The following TEX2 variants were observed in gnomAD, a reference collection of about 807,000 sequenced individuals.
TEX2 encodes the protein testis expressed 2.
In TEX2, 53 loss-of-function variants were observed where a neutral mutation model predicts 106.9. The observed-to-expected ratio is 0.50, with a 90% CI of 0.40 to 0.62. The LOEUF is 0.62. Ranked by LOEUF, TEX2 falls within the 20% of genes least tolerant of loss-of-function variation. TEX2 has a pLI of 0.00. For missense variants in TEX2, 1,207 were observed against 1,379.0 expected, an observed-to-expected ratio of 0.88 and a Z score of 1.98; for synonymous variants, 523 against 534.8, an observed-to-expected ratio of 0.98 and a Z score of 0.30.
intron 8 of TEX2, among the ~76,000 whole-genome samples, chr17:64,159,535 G>A (rs1041895812): frequency 3.9e-5 from 6 of 152,114 alleles, no homozygotes; most frequent in African/African-American, 7.2e-5. Flanking sequence ...ACTACTCCTG[G>A]TGTCGGTTCT....
intron 4 of TEX2, among the ~76,000 whole-genome samples, chr17:64,188,766 A>G (rs1365576431): frequency 6.6e-6 from 1 of 151,714 alleles, no homozygotes; most frequent in Non-Finnish European, 1.5e-5. Flanking sequence ...CAGTGAGCCA[A>G]GATCATGCCA....
At position 64,213,448 on chromosome 17, in the gene TEX2, C is replaced by T; in HGVS notation, c.770G>A (p.Gly257Asp). Residue 257 changes from glycine (G) to aspartate (D), a missense_variant, in exon 2 of 12, where the codon GGT becomes GAT. Coordinates refer to ENST00000584379, the MANE Select transcript of TEX2 (RefSeq NM_001288732.2). The surrounding 1 kb of genome is among the most constrained non-coding windows in gnomAD (Gnocchi z 4.4). ...AGAAGGTGCAGTTTTGGAATCTCCA[C>T]CTGTGTTTCGGGGCTGTGTGAACTG... Reference protein sequence around the residue: ...FKQFTQPRNTGGDSKTAPSSP... With the variant: ...FKQFTQPRNTDGDSKTAPSSP... 1.2e-6 allele frequency: 2 copies of T among 1,614,150 alleles called. No individual in the cohort carries two copies. Among genetic ancestry groups the T allele is most frequent in the Non-Finnish European group, 1.7e-6 (2 of 1,180,046 alleles).
chr17:64,180,991 C>G (rs993213142), intron 5 of TEX2, among the ~76,000 whole-genome samples: 3 of 152,204 alleles, frequency 2.0e-5, no homozygotes, highest in African/African-American at 2.4e-5. Context: ...CAGGAGATGA[C>G]ACAGCGGAGG....
At position 64,154,985 on chromosome 17, in the gene TEX2, C is replaced by T; in HGVS notation, c.2805-18G>A. 1 of 1,553,298 alleles carries T rather than the reference C, an allele frequency of 6.4e-7. No homozygotes were observed. The highest frequency in any genetic ancestry group is 2.4e-5 in the East Asian group (1 of 42,528). ...GCCTGCAACTGGACAGAGAGAGAGT[C>T]ACCACCACTGCCTGCCCTCACCCAA... On this transcript the variant is annotated intron_variant, in intron 8 of 11. Coordinates refer to ENST00000584379, the MANE Select transcript of TEX2 (RefSeq NM_001288732.2).
intron 1 of TEX2, among the ~76,000 whole-genome samples, chr17:64,238,161 A>G (rs1028359284): frequency 2.0e-5 from 3 of 152,238 alleles, no homozygotes; most frequent in Middle Eastern, 3.4e-3. Context: ...TTAGCTGGGC[A>G]TGGTGGTGGG....
intron 6 of TEX2, among the ~76,000 whole-genome samples, chr17:64,171,726 C>T (rs1032089065): frequency 1.3e-5 from 2 of 152,178 alleles, no homozygotes; most frequent in African/African-American, 4.8e-5. Context: ...TGTCTGTAAT[C>T]CCAACACTTT....
In TEX2 at chr17:64,217,912, A is replaced by C. The variant is rs1237370541; in HGVS notation, c.-25-3670T>G. ...CGTGCTGGAGAGGTGTTTAAGCAAA[A>C]GTCTGACATGATCAAAGTGGTACAC... On this transcript the variant is annotated intron_variant, in intron 1 of 11. Coordinates refer to ENST00000584379, the MANE Select transcript of TEX2 (RefSeq NM_001288732.2). This position sits in a 1 kb window ranked among gnomAD's most constrained non-coding sequence, Gnocchi z 4.3. Among the ~76,000 whole-genome samples, 1 of 152,152 alleles carries C rather than the reference A, an allele frequency of 6.6e-6. No individual in the cohort carries two copies. The highest frequency in any genetic ancestry group is 1.5e-5 in the Non-Finnish European group (1 of 68,030).
intron 2 of TEX2, among the ~76,000 whole-genome samples, chr17:64,211,792 G>T (rs1555631581): frequency 1.3e-5 from 2 of 152,052 alleles, no homozygotes; most frequent in Non-Finnish European, 2.9e-5. Context: ...AGTTCTAATT[G>T]TACTTTTATA....
intron 1 of TEX2, among the ~76,000 whole-genome samples, chr17:64,228,298 G>C (rs575559542): frequency 1.3e-5 from 2 of 152,304 alleles, no homozygotes; most frequent in Non-Finnish European, 2.9e-5. Flanking sequence ...GCGGGGTATG[G>C]TTTCGGGATG....
chr17:64,175,597 G>A (rs1448377235), intron 6 of TEX2, among the ~76,000 whole-genome samples: 1 of 152,110 alleles, frequency 6.6e-6, no homozygotes, highest in Admixed American at 6.6e-5. Flanking sequence ...TGTTGTTGTT[G>A]TTTTTAGAGA....
In TEX2 at chr17:64,185,704, C is replaced by T. The variant is rs1174791389; in HGVS notation, c.2424+2464G>A. On this transcript the variant is annotated intron_variant, in intron 5 of 11. Coordinates refer to ENST00000584379, the MANE Select transcript of TEX2 (RefSeq NM_001288732.2). The surrounding 1 kb of genome is among the most constrained non-coding windows in gnomAD (Gnocchi z 4.0). The stretch of plus-strand genomic sequence containing the variant: ...TTGGGAGGCCGAGGAGAGTGGATCA[C>T]CAGAGGTCAGGAGTTCAAGACCAGC... Among the ~76,000 whole-genome samples the T allele has an allele frequency of 6.6e-6, 1 of 152,092 alleles. No individual in the cohort carries two copies. Among genetic ancestry groups the T allele is most frequent in the Non-Finnish European group, 1.5e-5 (1 of 68,006 alleles).
rs1555632040 is a variant in TEX2 at position 64,213,440 on chromosome 17, A to G, written c.778T>C (p.Ser260Pro). 1 of 1,614,094 alleles carries G rather than the reference A, an allele frequency of 6.2e-7. No individual in the cohort carries two copies. Among genetic ancestry groups the G allele is most frequent in the Non-Finnish European group, 8.5e-7 (1 of 1,180,028 alleles). ...FTQPRNTGGD[S>P]KTAPSSPLTS... ...AGTGGGGAAGAAGGTGCAGTTTTGG[A>G]ATCTCCACCTGTGTTTCGGGGCTGT... Residue 260 changes from serine (S) to proline (P), a missense_variant, in exon 2 of 12, where the codon TCC (serine) becomes CCC (proline). Physicochemically the swap from Ser to Pro is moderately conservative, Grantham distance 74. Transcript: ENST00000584379. This position sits in a 1 kb window ranked among gnomAD's most constrained non-coding sequence, Gnocchi z 4.4.
At chr17:64,182,842 A>G (rs547959577) in intron 5 of TEX2, among the ~76,000 whole-genome samples, 3 of 151,614 alleles carry the variant, frequency 2.0e-5, no homozygotes, top group Admixed American at 6.6e-5. Context: ...ATTATCATCT[A>G]TGCATATACC....
At chr17:64,152,595 C>A (rs1221935024) in intron 10 of TEX2, among the ~76,000 whole-genome samples, 1 of 152,152 alleles carries the variant, frequency 6.6e-6, no homozygotes, top group Admixed American at 6.5e-5. Flanking sequence ...CAACCAGGGC[C>A]AGGCAGAGAA....
At chr17:64,152,905 AG>A (rs1270393390) in intron 10 of TEX2, 39 bp downstream of exon 10, 1 of 1,589,178 alleles carries the variant, frequency 6.3e-7, no homozygotes, top group African/African-American at 1.3e-5. Context: ...GCCATGCAAT[AG>A]GAGGAATCAC....
chr17:64,165,483 A>G (rs576379603), intron 7 of TEX2, among the ~76,000 whole-genome samples: 1 of 152,304 alleles, frequency 6.6e-6, no homozygotes, highest in East Asian at 1.9e-4. Context: ...CCCGTAGCAC[A>G]GTCTGGTCAG....
chr17:64,196,229 T>G (rs1161994470), intron 2 of TEX2, among the ~76,000 whole-genome samples: 2 of 152,208 alleles, frequency 1.3e-5, no homozygotes, highest in Non-Finnish European at 2.9e-5. Context: ...GACAAAGATT[T>G]TTTAAAAGGA....
In TEX2 at chr17:64,147,387, G is replaced by T. The variant is rs1357428266; in HGVS notation, c.*1582C>A. 6.6e-6 allele frequency: 1 copy of T among 152,020 alleles called. No homozygotes were observed. Among genetic ancestry groups the T allele is most frequent in the Non-Finnish European group, 1.5e-5 (1 of 68,008 alleles). The allele number at this position is 152,020 out of a possible 1,614,324, so 9.4% of individuals were successfully genotyped here. ...CCCGGTGCTCTGTACTCATTTTATTGTGCCCCTATCTGAACAGGATTCCGT... is the reference window on the plus strand; with the variant it reads ...CCCGGTGCTCTGTACTCATTTTATTTTGCCCCTATCTGAACAGGATTCCGT... On this transcript the variant is annotated 3_prime_UTR_variant, in exon 12 of 12. Coordinates refer to ENST00000584379, the MANE Select transcript of TEX2 (RefSeq NM_001288732.2).
intron 7 of TEX2, among the ~76,000 whole-genome samples, chr17:64,164,024 C>CTGAG (rs1289403436): frequency 6.6e-6 from 1 of 152,146 alleles, no homozygotes; most frequent in African/African-American, 2.4e-5. Flanking sequence ...GCAGGCAGTC[C>CTGAG]TGAGAGGTTC....
Sources: allele counts gnomAD v4.1 joint callset (sites outside exome capture counted in the v4.1 genomes callset), GRCh38; gene constraint gnomAD v4.1.1; non-coding constraint Gnocchi (gnomAD v3.1); transcripts MANE v1.5; gene names NCBI Gene and HGNC (gene_info 2026-07-23, HGNC 2026-07-21).